The following GRIP1 variants were observed in gnomAD, a reference collection of about 807,000 sequenced individuals.
GRIP1 encodes the protein glutamate receptor interacting protein 1, also known as glutamate receptor-interacting protein 1.
Under a neutral mutation model 129.9 loss-of-function variants are expected in GRIP1, and 45 were observed. The observed-to-expected ratio is 0.35, with a 90% confidence interval of 0.27 to 0.44. GRIP1 has a LOEUF of 0.44. Among genes scored for constraint, GRIP1 ranks in the 20% least tolerant of loss-of-function variants. GRIP1 has a pLI of 1.00. For missense variants in GRIP1, 1,196 were observed against 1,396.8 expected (o/e 0.86, Z 2.29); for synonymous variants, 530 against 520.8 (o/e 1.02, Z -0.24).
At chr12:67,056,080 G>A (rs1264131585) in intron 1 of GRIP1, among the ~76,000 whole-genome samples, 2 of 152,160 alleles carry the variant, frequency 1.3e-5, no homozygotes, top group Admixed American at 6.5e-5. Flanking sequence ...GTTCTTGATA[G>A]TATAGTAGAA....
rs184679143 is a variant in GRIP1 at position 66,801,021 on chromosome 12, C to T, written c.-420+3032G>A. ...ATTCCTGTCAGAAAAACAATTCCCT[C>T]AGGATATTTAGGTGATTTCTTTTTG... On this transcript the variant is annotated intron_variant, in intron 1 of 4. Transcript: ENST00000538373. Among the ~76,000 whole-genome samples the T allele has an allele frequency of 1.2e-4, 19 of 152,162 alleles. 1 individual carries two copies. The East Asian group carries it at 3.7e-3, about 29-fold the overall frequency.
intron 1 of GRIP1, among the ~76,000 whole-genome samples, chr12:66,890,744 T>A (rs1327730226): frequency 6.6e-6 from 1 of 152,228 alleles, no homozygotes; most frequent in Non-Finnish European, 1.5e-5. Flanking sequence ...GGGTTAACCA[T>A]CTTTAGATCT....
At chr12:66,656,165 T>C (rs762792366) in intron 1 of GRIP1, among the ~76,000 whole-genome samples, 1 of 152,216 alleles carries the variant, frequency 6.6e-6, no homozygotes, top group Non-Finnish European at 1.5e-5. Context: ...AGTCATGGTG[T>C]GATACTCAAC....
intron 1 of GRIP1, among the ~76,000 whole-genome samples, chr12:66,721,534 C>T (rs2036058528): frequency 1.3e-5 from 2 of 152,168 alleles, no homozygotes; most frequent in Admixed American, 1.3e-4. Context: ...CTCAGCCTTC[C>T]AAAGTGCTGG....
rs537600100 is a variant in GRIP1, at chr12:67,041,542, A to G, written c.58+27508T>C. ...CTAATTTCAACTACAAAGGAGACAGAAAGGAAGACATAATTTCCTCAAATT... is the reference window on the plus strand; with the variant it reads ...CTAATTTCAACTACAAAGGAGACAGGAAGGAAGACATAATTTCCTCAAATT... On this transcript the variant is annotated intron_variant, in intron 1 of 1. Coordinates refer to the GRIP1 transcript ENST00000643019. Among the ~76,000 whole-genome samples, 34 of 152,298 alleles carry G rather than the reference A, an allele frequency of 2.2e-4. No homozygotes were observed. In the East Asian group the frequency reaches 5.4e-3, roughly 24 times the overall value.
chr12:66,985,317 G>A (rs754914943), intron 1 of GRIP1, among the ~76,000 whole-genome samples: 3 of 151,294 alleles, frequency 2.0e-5, no homozygotes, highest in East Asian at 1.9e-4. Flanking sequence ...TGCAGTATGC[G>A]ATATATTGTG....
At chr12:66,562,539 C>T (rs2062573648) in intron 2 of GRIP1, among the ~76,000 whole-genome samples, 1 of 152,020 alleles carries the variant, frequency 6.6e-6, no homozygotes, top group Non-Finnish European at 1.5e-5. Flanking sequence ...AGTTCAGTTC[C>T]AAAAGAAAAG....
chr12:66,871,698 A>T (rs2040299057), intron 1 of GRIP1, among the ~76,000 whole-genome samples: 1 of 152,100 alleles, frequency 6.6e-6, no homozygotes, highest in African/African-American at 2.4e-5. Context: ...CCTAAAGGGT[A>T]AAGACTGCAG....
At chr12:67,000,427 T>G (rs896969283) in intron 1 of GRIP1, among the ~76,000 whole-genome samples, 1 of 152,224 alleles carries the variant, frequency 6.6e-6, no homozygotes, top group African/African-American at 2.4e-5. Context: ...TTACTCTTAT[T>G]GTGTATCTGC....
chr12:66,421,557 A>G (rs2057803270), intron 14 of GRIP1, among the ~76,000 whole-genome samples: 1 of 152,070 alleles, frequency 6.6e-6, no homozygotes, highest in South Asian at 2.1e-4. Context: ...TCAATCAATC[A>G]ATAAAGTTCT....
intron 22 of GRIP1, among the ~76,000 whole-genome samples, chr12:66,372,940 T>C (rs1444660018): frequency 6.6e-6 from 1 of 152,170 alleles, no homozygotes; most frequent in Non-Finnish European, 1.5e-5. Flanking sequence ...CAAGTTCCAT[T>C]TGCCATGTGA....
intron 1 of GRIP1, among the ~76,000 whole-genome samples, chr12:67,029,189 G>A (rs2042983760): frequency 6.6e-6 from 1 of 152,118 alleles, no homozygotes; most frequent in Non-Finnish European, 1.5e-5. Flanking sequence ...TCAGCTCACT[G>A]CAACCTCCGC....
At chr12:66,432,480 C>A in intron 14 of GRIP1, 68 bp downstream of exon 14, 2 of 950,312 alleles carry the variant, frequency 2.1e-6, no homozygotes, top group East Asian at 2.5e-5. Flanking sequence ...GTTACACCTG[C>A]AAACCATTTG....
chr12:66,483,922 G>C (rs899056146), intron 7 of GRIP1, among the ~76,000 whole-genome samples: 3 of 151,374 alleles, frequency 2.0e-5, no homozygotes, highest in Non-Finnish European at 3.0e-5. Flanking sequence ...TGCAGTGGCG[G>C]GATCTCGGCT....
intron 1 of GRIP1, among the ~76,000 whole-genome samples, chr12:66,906,518 G>A (rs1748470852): frequency 6.6e-6 from 1 of 152,096 alleles, no homozygotes; most frequent in African/African-American, 2.4e-5. Context: ...TCTCAGTACT[G>A]ATGAAAGCAA....
intron 1 of GRIP1, among the ~76,000 whole-genome samples, chr12:66,652,922 T>C (rs533092330): frequency 2.5e-4 from 38 of 152,368 alleles, no homozygotes; most frequent in African/African-American, 9.1e-4. Flanking sequence ...CCTAGCTTGT[T>C]TGATCTGTAA....
intron 3 of GRIP1, among the ~76,000 whole-genome samples, chr12:66,541,540 C>T (rs2061781013): frequency 6.6e-6 from 1 of 152,204 alleles, no homozygotes; most frequent in African/African-American, 2.4e-5. Flanking sequence ...ACAAGATTCA[C>T]ATAGGCTTTT....
chr12:66,789,272 A>G (rs562398788), intron 1 of GRIP1, among the ~76,000 whole-genome samples: 1 of 152,264 alleles, frequency 6.6e-6, no homozygotes, highest in Admixed American at 6.5e-5. Context: ...GCTTGTTTCA[A>G]AGAGCTCTAA....
intron 1 of GRIP1, among the ~76,000 whole-genome samples, chr12:66,797,457 C>T (rs1461286324): frequency 1.3e-5 from 2 of 152,074 alleles, no homozygotes; most frequent in African/African-American, 4.8e-5. Context: ...GATTTAGAAC[C>T]CCATTTTACA....
Sources: gnomAD v4.1 joint callset for allele counts (sites outside exome capture counted in the v4.1 genomes callset) on GRCh38, gnomAD v4.1.1 for gene constraint, MANE v1.5 for transcripts, NCBI Gene and HGNC (gene_info 2026-07-23, HGNC 2026-07-21) for gene names.